The following LMAN1 variants were observed in gnomAD, a reference collection of about 807,000 sequenced individuals.
LMAN1 encodes lectin, mannose binding 1, also known as protein ERGIC-53.
A neutral mutation model predicts 67.8 loss-of-function variants in LMAN1; 32 were observed. The observed-to-expected ratio is 0.47, with a 90% confidence interval of 0.36 to 0.63. LMAN1 has a LOEUF of 0.63. LMAN1 is among the 30% of genes least tolerant of loss of function. The probability of loss-of-function intolerance (pLI) is 0.00; values close to 1 mark genes in which losing one functional copy is unlikely to be tolerated. For missense variants in LMAN1, 632 were observed against 628.2 expected (o/e 1.01, Z -0.06); for synonymous variants, 235 against 219.3 (o/e 1.07, Z -0.63).
In LMAN1 at chr18:59,330,778, A is replaced by G. The variant is rs2070742768; in HGVS notation, c.*315T>C. On this transcript the variant is annotated 3_prime_UTR_variant, in exon 13 of 13. Coordinates refer to ENST00000251047, the MANE Select transcript of LMAN1 (RefSeq NM_005570.4). The stretch of plus-strand genomic sequence containing the variant: ...TATACAGGGAAACCTGCAATATTGG[A>G]GACTTAGGGGGTAACATTCATATCC... The G allele has an allele frequency of 3.2e-6, 1 of 308,120 alleles. No individual in the cohort carries two copies. The highest frequency in any genetic ancestry group is 6.0e-6 in the Non-Finnish European group (1 of 166,372). The allele number at this position is 308,120 out of a possible 1,614,324, so 19.1% of individuals were successfully genotyped here. A position where few individuals can be genotyped will look rare whatever the true frequency, so the allele number is the denominator to read the frequency against.
intron 8 of LMAN1, among the ~76,000 whole-genome samples, chr18:59,343,022 C>G (rs1414925042): frequency 1.4e-5 from 2 of 140,318 alleles, no homozygotes; most frequent in Non-Finnish European, 3.1e-5. Flanking sequence ...TCTAGCAGAC[C>G]AAATCTAGAA....
Position 59,329,533 on chromosome 18 carries a change from A to C in LMAN1, c.*1560T>G, listed in dbSNP as rs2070734860. 1.3e-5 allele frequency: 2 copies of C among 152,170 alleles called. No homozygotes were observed. The highest frequency in any genetic ancestry group is 6.6e-5 in the Admixed American group (1 of 15,266). The allele number at this position is 152,170 out of a possible 1,614,324, so 9.4% of individuals were successfully genotyped here. A position where few individuals can be genotyped will look rare whatever the true frequency, so the allele number is the denominator to read the frequency against. ...TAACACTACAAAAGAAAAATGCTAG[A>C]GAAGCATTTTCTGTGTTGAAATGAC... is the stretch of plus-strand genomic sequence containing the variant. On this transcript the variant is annotated 3_prime_UTR_variant, in exon 13 of 13. Coordinates refer to ENST00000251047, the MANE Select transcript of LMAN1 (RefSeq NM_005570.4).
At position 59,338,642 on chromosome 18, in the gene LMAN1, A is replaced by G. The variant is rs753360359; in HGVS notation, c.1150-15T>C. On this transcript the variant is annotated splice_polypyrimidine_tract_variant and intron_variant, in intron 9 of 12. Transcript: ENST00000251047. The stretch of plus-strand genomic sequence containing the variant: ...TGTTGAGTAATCTGGAGGAAGAAAC[A>G]ATGACGAGCAAGCTGAATAATCCAC... 6.2e-7 allele frequency: 1 copy of G among 1,612,232 alleles called. No homozygotes were observed. Among genetic ancestry groups the G allele is most frequent in the Non-Finnish European group, 8.5e-7 (1 of 1,178,392 alleles).
Position 59,347,264 on chromosome 18 carries a change from A to T in LMAN1, c.822+249T>A, listed in dbSNP as rs6567078. Among the ~76,000 whole-genome samples, 145,330 of 148,508 alleles carry T rather than the reference A, an allele frequency of 0.98. 71,184 individuals are homozygous for T. The highest frequency in any genetic ancestry group is 1 in the East Asian group (4,898 of 4,898). On this transcript the variant is annotated intron_variant, in intron 7 of 12. Transcript: ENST00000251047. ...TGAACCCGGGAGGCGGAGCTTGCAG[A>T]GAGCAGATATCGCGCCACTGCACTC...
chr18:59,339,341 AGAG>A (rs1908235740), intron 8 of LMAN1, among the ~76,000 whole-genome samples: 1 of 152,162 alleles, frequency 6.6e-6, no homozygotes, highest in South Asian at 2.1e-4. Flanking sequence ...AGGATTCATC[AGAG>A]AAGAAATGGG....
chr18:59,352,993 A>C, intron 5 of LMAN1: 1 of 535,114 alleles, frequency 1.9e-6, no homozygotes, highest in Non-Finnish European at 3.5e-6. Flanking sequence ...TTAAACATTT[A>C]CTGACTAAAT....
chr18:59,351,513 T>C (rs2144228938), intron 5 of LMAN1: 1 of 152,326 alleles, frequency 6.6e-6, no homozygotes, highest in East Asian at 1.9e-4. Flanking sequence ...CCATGATCAC[T>C]CATAGACATT....
intron 10 of LMAN1, 115 bp downstream of exon 10, chr18:59,338,442 A>C (rs1307673827): frequency 7.6e-6 from 6 of 787,680 alleles, no homozygotes; most frequent in African/African-American, 1.7e-5. Context: ...TGAATCTAGA[A>C]CGGGATTCTT....
intron 1 of LMAN1, among the ~76,000 whole-genome samples, chr18:59,357,809 T>C (rs1383214710): frequency 2.0e-5 from 3 of 152,008 alleles, no homozygotes; most frequent in African/African-American, 7.2e-5. Context: ...AAAAACCTTA[T>C]ATAAAAGATT....
rs2070734354 is a variant in LMAN1 at position 59,329,453 on chromosome 18, G to C, written c.*1640C>G. ...TGAAGGTATTTAATTTTTTTTCATG[G>C]AGCAAGAGTAAATTCTGTGATGATG... On this transcript the variant is annotated 3_prime_UTR_variant, in exon 13 of 13. Coordinates refer to ENST00000251047, the MANE Select transcript of LMAN1 (RefSeq NM_005570.4). 1 of 151,836 alleles carries C rather than the reference G, an allele frequency of 6.6e-6. No homozygotes were observed. The highest frequency in any genetic ancestry group is 1.5e-5 in the Non-Finnish European group (1 of 67,958). The allele number at this position is 151,836 out of a possible 1,614,324, so 9.4% of individuals were successfully genotyped here.
Position 59,356,822 on chromosome 18 carries a change from C to T in LMAN1, c.215-1164G>A, listed in dbSNP as rs185517635. Among the ~76,000 whole-genome samples the T allele has an allele frequency of 4.8e-3, 729 of 152,260 alleles. 3 individuals carry two copies. Among genetic ancestry groups the T allele is most frequent in the Non-Finnish European group, 7.6e-3 (518 of 68,010 alleles). ...TTTCATCTATAAAACAGATAACACC[C>T]GCCTTGTCTACTAAGGATCAAATCA... On this transcript the variant is annotated intron_variant, in intron 1 of 12. Transcript: ENST00000251047.
At chr18:59,345,224 A>G (rs1490810217) in intron 8 of LMAN1, among the ~76,000 whole-genome samples, 1 of 152,224 alleles carries the variant, frequency 6.6e-6, no homozygotes, top group Non-Finnish European at 1.5e-5. Flanking sequence ...CACAGCCTTT[A>G]TTAAGTACAC....
At position 59,338,769 on chromosome 18, in the gene LMAN1, C is replaced by T; in HGVS notation, c.1140G>A (p.Gln380=). The part of the protein sequence containing the change: ...ISKRGAGMPG[Q]HGQITQQELD... ...TATTCTGCAAGCCCACCTGCCCATG[C>T]TGCCCAGGCATTCCTGCTCCTCTTT... The change falls in exon 9 of 13, where the codon CAG becomes CAA. Residue 380 remains glutamine (Q), a synonymous_variant. Transcript: ENST00000251047. The T allele has an allele frequency of 6.2e-7, 1 of 1,614,094 alleles. No individual in the cohort carries two copies. Among genetic ancestry groups the T allele is most frequent in the Non-Finnish European group, 8.5e-7 (1 of 1,179,962 alleles).
intron 10 of LMAN1, among the ~76,000 whole-genome samples, chr18:59,337,113 G>A (rs1282393072): frequency 6.7e-6 from 1 of 149,826 alleles, no homozygotes; most frequent in African/African-American, 2.4e-5. Flanking sequence ...CACCATAACC[G>A]AGTGATCACA....
chr18:59,355,207 C>T, intron 3 of LMAN1, 106 bp downstream of exon 3: 2 of 844,568 alleles, frequency 2.4e-6, no homozygotes, highest in Non-Finnish European at 4.0e-6. Flanking sequence ...TTGGGGAGTT[C>T]TGTACTATCA....
At position 59,354,583 on chromosome 18, in the gene LMAN1, A is replaced by T. The variant is rs1412405777; in HGVS notation, c.478-3T>A. The T allele has an allele frequency of 2.3e-6, 3 of 1,314,182 alleles. No homozygotes were observed. Among genetic ancestry groups the T allele is most frequent in the East Asian group, 4.6e-5 (2 of 43,180 alleles). 81.4% of individuals were successfully genotyped at this position (1,314,182 alleles called of 1,614,324 possible). A position where few individuals can be genotyped will look rare whatever the true frequency, so the allele number is the denominator to read the frequency against. On this transcript the variant is annotated splice_polypyrimidine_tract_variant and splice_region_variant and intron_variant, in intron 3 of 12. Transcript: ENST00000251047. Reference sequence around the variant, plus strand: ...ATTACTATAGCAGGATTATTTTTCTAAAAAAAAGGAAAACATTTTAAAAAA... The same window carrying T: ...ATTACTATAGCAGGATTATTTTTCTTAAAAAAAGGAAAACATTTTAAAAAA...
intron 8 of LMAN1, among the ~76,000 whole-genome samples, chr18:59,339,857 T>C (rs925730916): frequency 6.6e-6 from 1 of 152,106 alleles, no homozygotes; most frequent in African/African-American, 2.4e-5. Flanking sequence ...CTACCCTCTC[T>C]GGTCCCAGAC....
At chr18:59,349,777 G>C (rs1050393088) in intron 5 of LMAN1, among the ~76,000 whole-genome samples, 1 of 152,124 alleles carries the variant, frequency 6.6e-6, no homozygotes, top group Non-Finnish European at 1.5e-5. Flanking sequence ...AAAGATGTAC[G>C]TTTCTACTTT....
rs1277534847 is a variant in LMAN1, at chr18:59,353,234, C to T, written c.607G>A (p.Ala203Thr). ...GTGTTCTGGTAATAGGTAATCTTTG[C>T]TCGGACAGGATAGGGTTTGTTGCGG... ...DFRNKPYPVR[A>T]KITYYQNTLT... is the part of the protein sequence containing the mutation. The change falls in exon 5 of 13, where the codon GCA becomes ACA. Residue 203 changes from alanine to threonine, a missense_variant. Ala to Thr is a moderately conservative substitution (Grantham distance 58). Coordinates refer to ENST00000251047, the MANE Select transcript of LMAN1 (RefSeq NM_005570.4). 2 of 1,613,836 alleles carry T rather than the reference C, an allele frequency of 1.2e-6. No homozygotes were observed. Among genetic ancestry groups the T allele is most frequent in the Non-Finnish European group, 1.7e-6 (2 of 1,179,922 alleles).
Sources: gnomAD v4.1 joint callset for allele counts (sites outside exome capture counted in the v4.1 genomes callset) on GRCh38, gnomAD v4.1.1 for gene constraint, MANE v1.5 for transcripts, NCBI Gene and HGNC (gene_info 2026-07-23, HGNC 2026-07-21) for gene names.